GPALPP1: variants seen among roughly 807,000 people sequenced by gnomAD.
GPALPP1 encodes the protein GPALPP motifs-containing protein 1.
In GPALPP1, 30 loss-of-function variants were observed where a neutral mutation model predicts 38.9. The ratio of observed to expected loss-of-function variants is 0.77; its 90% confidence interval spans 0.58 to 1.05. The LOEUF is 1.05. GPALPP1 is among the 50% of genes least tolerant of loss of function. The pLI, the probability that GPALPP1 is intolerant of heterozygous loss-of-function variation, is 0.00. For missense variants in GPALPP1, 384 were observed against 408.8 expected (o/e 0.94, Z 0.52); for synonymous variants, 120 against 139.2 (o/e 0.86, Z 0.97).
Position 45,004,377 on chromosome 13 carries a change from G to T in GPALPP1, c.161G>T (p.Ser54Ile). 4 of 1,607,692 alleles carry T rather than the reference G, an allele frequency of 2.5e-6. No individual in the cohort carries two copies. The highest frequency in any genetic ancestry group is 2.6e-6 in the Non-Finnish European group (3 of 1,174,180). The change falls in exon 2 of 8, where the codon AGT becomes ATT. Residue 54 changes from serine to isoleucine, a missense_variant. By Grantham distance (142) the Ser-to-Ile change is moderately radical (BLOSUM62 -2). Coordinates refer to ENST00000379151, the MANE Select transcript of GPALPP1 (RefSeq NM_018559.5). ...TCATCAGACAGCGATGAAGACAGTA[G>T]TTCTTTGTACGAAGAAGGAAATCAA... ...SDSSDSDEDS[S>I]SLYEEGNQES... is the part of the protein sequence containing the mutation.
chr13:45,007,238 G>A (rs905171953), intron 3 of GPALPP1, among the ~76,000 whole-genome samples: 2 of 151,926 alleles, frequency 1.3e-5, no homozygotes, highest in Non-Finnish European at 2.9e-5. Context: ...TGACCCCTAG[G>A]ATGTAACATT....
intron 1 of GPALPP1, chr13:44,990,115 C>T (rs1792227142): frequency 2.4e-6 from 1 of 420,164 alleles, no homozygotes; most frequent in Admixed American, 4.1e-5. Flanking sequence ...ATACTGCTAG[C>T]AAGTGATGGA....
intron 4 of GPALPP1, among the ~76,000 whole-genome samples, chr13:45,011,274 G>A (rs1271447784): frequency 2.0e-5 from 3 of 152,174 alleles, no homozygotes; most frequent in Non-Finnish European, 4.4e-5. Flanking sequence ...GGTACGCTTA[G>A]CTTCATGATC....
chr13:45,027,670 G>T, intron 7 of GPALPP1, 115 bp from the exon 8 acceptor site: 4 of 534,172 alleles, frequency 7.5e-6, no homozygotes, highest in Non-Finnish European at 6.7e-6. Context: ...ACTGGGGTTT[G>T]TAAATAGCCC....
intron 7 of GPALPP1, among the ~76,000 whole-genome samples, chr13:45,025,549 C>T (rs1201860147): frequency 6.6e-6 from 1 of 152,048 alleles, no homozygotes; most frequent in Non-Finnish European, 1.5e-5. Context: ...CAACACTGTA[C>T]TAAATCCTGT....
intron 4 of GPALPP1, among the ~76,000 whole-genome samples, chr13:45,011,903 C>T (rs12184852): frequency 0.054 from 8,151 of 152,216 alleles, 290 homozygotes; most frequent in South Asian, 0.074. Flanking sequence ...GAGATGACAT[C>T]GTCAGGCTAG....
chr13:44,989,611 T>C lies in GPALPP1; in HGVS notation c.-44T>C. The C allele has an allele frequency of 6.5e-7, 1 of 1,548,334 alleles. No individual in the cohort carries two copies. ...GGATTCTTTTTGGATAGGGTTGACG[T>C]TCGTGGATAGACTCATATCTGTGAC... On this transcript the variant is annotated 5_prime_UTR_variant, in exon 1 of 8. Coordinates refer to ENST00000379151, the MANE Select transcript of GPALPP1 (RefSeq NM_018559.5).
Position 45,020,390 on chromosome 13 carries a change from A to T in GPALPP1, c.766A>T (p.Arg256Ter), listed in dbSNP as rs1176681163. The change falls in exon 7 of 8, where the codon AGA (arginine) becomes TGA (stop). Residue 256 changes from arginine (R) to a stop codon, truncating the protein, a stop_gained. Transcript: ENST00000379151. LOFTEE classifies it high-confidence loss of function. ...AGATGAAGAACATATATTATCAGGA[A>T]GAGATAAGAGACTGGCTGAGCAGGT... ...KKDEEHILSG[R>*]DKRLAEQVSS... 6.6e-7 allele frequency: 1 copy of T among 1,519,726 alleles called. No individual in the cohort carries two copies. Among genetic ancestry groups the T allele is most frequent in the South Asian group, 1.1e-5 (1 of 88,972 alleles). 94.1% of individuals were successfully genotyped at this position (1,519,726 alleles called of 1,614,324 possible).
intron 1 of GPALPP1, chr13:44,990,260 A>G (rs1381705415): frequency 3.9e-6 from 1 of 259,696 alleles, no homozygotes; most frequent in Non-Finnish European, 7.2e-6. Flanking sequence ...GCATCTGACA[A>G]ACACAGCCCA....
chr13:45,008,685 CT>C, intron 3 of GPALPP1, 109 bp from the exon 4 acceptor site: 4 of 601,024 alleles, frequency 6.7e-6, no homozygotes, highest in Non-Finnish European at 1.2e-5. Context: ...AAATAAAATT[CT>C]TATTTTCAAC....
At chr13:45,023,170 T>C (rs1020125781) in intron 7 of GPALPP1, among the ~76,000 whole-genome samples, 1 of 152,186 alleles carries the variant, frequency 6.6e-6, no homozygotes, top group African/African-American at 2.4e-5. Flanking sequence ...GATTAATCTC[T>C]TACATCAGCT....
chr13:45,033,864 G>C (rs138237405), downstream of GPALPP1: 5 of 152,296 alleles, frequency 3.3e-5, no homozygotes, highest in African/African-American at 1.2e-4. Flanking sequence ...TGTGACACTG[G>C]GTTATAACCA....
chr13:44,997,019 C>A (rs1873342367), intron 1 of GPALPP1, among the ~76,000 whole-genome samples: 1 of 151,844 alleles, frequency 6.6e-6, no homozygotes, highest in Admixed American at 6.6e-5. Context: ...CTGACAAGCA[C>A]CATTCTACTT....
intron 4 of GPALPP1, among the ~76,000 whole-genome samples, chr13:45,010,590 T>G: frequency 6.6e-6 from 1 of 152,160 alleles, no homozygotes; most frequent in East Asian, 1.9e-4. Context: ...TACAAGGTAG[T>G]GGGGAATACA....
intron 7 of GPALPP1, among the ~76,000 whole-genome samples, chr13:45,020,877 A>G (rs1875380904): frequency 6.6e-6 from 1 of 152,174 alleles, no homozygotes; most frequent in Non-Finnish European, 1.5e-5. Flanking sequence ...TACGTATTAA[A>G]TTAGCAGAAA....
intron 1 of GPALPP1, among the ~76,000 whole-genome samples, chr13:44,998,849 C>T (rs983347693): frequency 6.6e-6 from 1 of 152,132 alleles, no homozygotes; most frequent in Non-Finnish European, 1.5e-5. Flanking sequence ...TCTTCAGGTT[C>T]AACCAACTCT....
At chr13:45,037,071 G>C (rs750837640) in exon 8 of GPALPP1, 2 of 152,196 alleles carry the variant, frequency 1.3e-5, no homozygotes, top group African/African-American at 2.4e-5. Context: ...ACCTATTCAA[G>C]AATATTGAAA....
At chr13:45,011,059 G>T (rs559946365) in intron 4 of GPALPP1, among the ~76,000 whole-genome samples, 5 of 151,358 alleles carry the variant, frequency 3.3e-5, no homozygotes, top group Admixed American at 2.6e-4. Context: ...TGATGAATTG[G>T]AGCTAGTTCA....
intron 1 of GPALPP1, among the ~76,000 whole-genome samples, chr13:44,992,240 T>G (rs1481466585): frequency 6.6e-6 from 1 of 152,202 alleles, no homozygotes; most frequent in Non-Finnish European, 1.5e-5. Context: ...TGGTGACAAA[T>G]GAAATTGACC....
Sources: gnomAD v4.1 joint callset for allele counts (sites outside exome capture counted in the v4.1 genomes callset) on GRCh38, gnomAD v4.1.1 for gene constraint, MANE v1.5 for transcripts, NCBI Gene and HGNC (gene_info 2026-07-23, HGNC 2026-07-21) for gene names.